Variants in KMT2C observed in about 807,000 individuals in gnomAD.
The protein encoded by KMT2C is lysine methyltransferase 2C.
KMT2C carries 88 observed loss-of-function variants against 507.9 expected under a neutral mutation model. The ratio of observed to expected loss-of-function variants is 0.17; its 90% CI spans 0.15 to 0.21. The LOEUF is 0.21. Among genes scored for constraint, KMT2C ranks in the 10% least tolerant of loss-of-function variants. The probability of loss-of-function intolerance (pLI) is 1.00; values close to 1 mark genes in which losing one functional copy is unlikely to be tolerated. For missense variants in KMT2C, 4,954 were observed against 5,957.8 expected (o/e 0.83, Z 5.55); for synonymous variants, 2,049 against 2,080.8 (o/e 0.98, Z 0.42).
chr7:152,230,551 G>GA (rs1375692552), intron 16 of KMT2C, among the ~76,000 whole-genome samples: 1 of 152,092 alleles, frequency 6.6e-6, no homozygotes, highest in Non-Finnish European at 1.5e-5. Flanking sequence ...GAAGTAATGA[G>GA]AAAATATAAT....
intron 1 of KMT2C, among the ~76,000 whole-genome samples, chr7:152,412,324 C>T (rs1274991198): frequency 1.3e-5 from 2 of 152,176 alleles, no homozygotes; most frequent in South Asian, 4.1e-4. Context: ...TGGCTTGAAC[C>T]CGGGAGGCGG....
intron 3 of KMT2C, among the ~76,000 whole-genome samples, chr7:152,329,661 T>G (rs1426529939): frequency 6.9e-4 from 65 of 93,572 alleles, no homozygotes; most frequent in East Asian, 1.0e-3. Flanking sequence ...GGAGAAGGGA[T>G]GGAGGGGAAG....
rs773425258 is a variant in KMT2C at position 152,251,973 on chromosome 7, T to A, written c.1587A>T (p.Pro529=). The change falls in exon 11 of 59, where the codon CCA becomes CCT. Residue 529 remains proline, a synonymous_variant. Transcript: ENST00000262189. The part of the protein sequence containing the change: ...HLGAEMDRLQ[P]GEEVEIAELT... ...GCTCAGCTATCTCCACTTCCTCACC[T>A]GGCTGTAAACGATCCATCTCAGCTC... The A allele has an allele frequency of 6.8e-6, 11 of 1,611,794 alleles. No individual in the cohort carries two copies. The highest frequency in any genetic ancestry group is 3.4e-6 in the Non-Finnish European group (4 of 1,178,962).
intron 9 of KMT2C, among the ~76,000 whole-genome samples, chr7:152,258,602 G>C (rs2095703268): frequency 6.6e-6 from 1 of 152,056 alleles, no homozygotes; most frequent in African/African-American, 2.4e-5. Context: ...TCGGCTCACT[G>C]CAACCTCTGC....
chr7:152,169,711 T>C (rs2092876977), intron 40 of KMT2C, among the ~76,000 whole-genome samples: 2 of 151,968 alleles, frequency 1.3e-5, no homozygotes, highest in African/African-American at 2.4e-5. Flanking sequence ...AAAAGAAAAA[T>C]ACGTTAATAA....
intron 9 of KMT2C, among the ~76,000 whole-genome samples, chr7:152,255,193 G>T (rs1332733466): frequency 2.8e-5 from 4 of 143,472 alleles, no homozygotes; most frequent in African/African-American, 1.0e-4. Flanking sequence ...TGGAAACAGG[G>T]TCTTGCTCTG....
At chr7:152,278,647 G>C (rs1406967213) in intron 6 of KMT2C, among the ~76,000 whole-genome samples, 1 of 151,906 alleles carries the variant, frequency 6.6e-6, no homozygotes, top group Non-Finnish European at 1.5e-5. Context: ...ACAGACTTGA[G>C]GGGAAAAAAC....
rs1288334215 is a variant in KMT2C at position 152,163,499 on chromosome 7, T to C, written c.10078A>G (p.Ile3360Val). ...CCTGGGGCTGGTGTACAAGTTTTTA[T>C]TGGTAACTGGGCAATTGGGGGCTGA... ...RIQPPIAQLP[I>V]KTCTPAPGTV... Residue 3360 changes from isoleucine to valine, a missense_variant, in exon 43 of 59, where the codon ATA becomes GTA. By Grantham distance (29) the Ile-to-Val change is conservative. Transcript: ENST00000262189. 9 of 1,613,856 alleles carry C rather than the reference T, an allele frequency of 5.6e-6. No individual in the cohort carries two copies. Among genetic ancestry groups the C allele is most frequent in the Non-Finnish European group, 7.6e-6 (9 of 1,179,774 alleles).
At chr7:152,359,401 A>G (rs748976299) in intron 1 of KMT2C, among the ~76,000 whole-genome samples, 1 of 152,194 alleles carries the variant, frequency 6.6e-6, no homozygotes, top group Non-Finnish European at 1.5e-5. Context: ...TATTACACAT[A>G]AAAACTTGGA....
intron 26 of KMT2C, among the ~76,000 whole-genome samples, chr7:152,202,321 A>G (rs1250986461): frequency 6.6e-6 from 1 of 152,212 alleles, no homozygotes; most frequent in Non-Finnish European, 1.5e-5. Flanking sequence ...TCTAATATTG[A>G]GCTGTTTCCG....
At chr7:152,283,895 GTATT>G (rs963846278) in intron 6 of KMT2C, among the ~76,000 whole-genome samples, 14 of 152,184 alleles carry the variant, frequency 9.2e-5, no homozygotes, top group Non-Finnish European at 1.5e-4. Context: ...CATCAAAAGA[GTATT>G]TATATAATCA....
intron 1 of KMT2C, among the ~76,000 whole-genome samples, chr7:152,388,621 C>T (rs2097457038): frequency 1.7e-3 from 3 of 1,768 alleles, no homozygotes; most frequent in Admixed American, 0.017. Context: ...TCAAGCACAC[C>T]CTTTTTTGTG....
At chr7:152,348,090 T>C (rs1053868675) in intron 2 of KMT2C, among the ~76,000 whole-genome samples, 2 of 152,192 alleles carry the variant, frequency 1.3e-5, no homozygotes, top group African/African-American at 4.8e-5. Context: ...TTTGATAACC[T>C]AGATGAAATG....
chr7:152,322,547 C>T (rs76520526), intron 3 of KMT2C, among the ~76,000 whole-genome samples: 2,359 of 151,996 alleles, frequency 0.016, 36 homozygotes, highest in Non-Finnish European at 0.025. Context: ...TCACATAACA[C>T]AAAAAATCAA....
chr7:152,380,159 G>A lies in KMT2C; in HGVS notation c.162-21484C>T, dbSNP rs1172930946. 2.6e-5 allele frequency among the ~76,000 whole-genome samples: 4 copies of A among 152,378 alleles called. No homozygotes were observed. The East Asian group carries it at 5.8e-4, about 22-fold the overall frequency. ...AGGCAGGAGAATCACTTGAACCCAG[G>A]AGGCAGAAGTTGCAGTGAGCTGAGA... On this transcript the variant is annotated intron_variant, in intron 1 of 58. Transcript: ENST00000262189.
rs1237382441 is a variant in KMT2C at position 152,179,973 on chromosome 7, G to A, written c.7303C>T (p.Pro2435Ser). The change falls in exon 37 of 59, where the codon CCC becomes TCC. Residue 2435 changes from proline to serine, a missense_variant. Around this residue, in one of 29 missense-constraint regions of KMT2C, gnomAD observed 1,689 missense variants for 1,654.3 expected, o/e 1.02. Transcript: ENST00000262189. ...PENVNQAFTR[P>S]PPPYPGNIRS... ...ATGTTCCCAGGATAGGGAGGTGGGG[G>A]TCTGGTGAAAGCCTGGTTAACATTC... 1 of 1,614,156 alleles carries A rather than the reference G, an allele frequency of 6.2e-7. No individual in the cohort carries two copies. The highest frequency in any genetic ancestry group is 1.1e-5 in the South Asian group (1 of 91,080).
At chr7:152,167,091 A>C (rs2092764377) in intron 42 of KMT2C, 55 bp downstream of exon 42, 1 of 1,410,110 alleles carries the variant, frequency 7.1e-7, no homozygotes, top group African/African-American at 1.4e-5. Context: ...CAACACACCA[A>C]AACATTCTAC....
At chr7:152,226,933 A>G (rs1429226991) in intron 18 of KMT2C, among the ~76,000 whole-genome samples, 2 of 152,240 alleles carry the variant, frequency 1.3e-5, no homozygotes, top group East Asian at 3.8e-4. Context: ...ACCTGAAGAT[A>G]AAGTGGCAGA....
At chr7:152,170,692 G>A (rs868166311) in intron 40 of KMT2C, among the ~76,000 whole-genome samples, 6 of 152,038 alleles carry the variant, frequency 3.9e-5, no homozygotes, top group Admixed American at 2.6e-4. Context: ...TTGTAGAGAC[G>A]GGGTTTCACT....
Sources: gnomAD v4.1 joint callset for allele counts (sites outside exome capture counted in the v4.1 genomes callset) on GRCh38, gnomAD v4.1.1 for gene constraint, gnomAD v4.1.1 regional missense constraint, MANE v1.5 for transcripts, NCBI Gene and HGNC (gene_info 2026-07-23, HGNC 2026-07-21) for gene names.